Variants in AGPS observed in about 807,000 individuals in gnomAD.
The protein encoded by AGPS is alkylglycerone phosphate synthase, also known as alkyldihydroxyacetonephosphate synthase, peroxisomal.
In AGPS, 26 loss-of-function variants were observed where a neutral mutation model predicts 90.7. That is an observed-to-expected ratio of 0.29 (90% CI 0.21 to 0.40). The LOEUF is 0.40. AGPS is among the 10% of genes least tolerant of loss of function. AGPS has a pLI of 1.00. For synonymous variants in AGPS, 294 were observed against 285.3 expected (o/e 1.03, Z -0.31); for missense variants, 540 against 816.1 (o/e 0.66, Z 4.12).
At chr2:177,417,387 A>C (rs1289284989) in intron 1 of AGPS, among the ~76,000 whole-genome samples, 4 of 152,254 alleles carry the variant, frequency 2.6e-5, no homozygotes, top group Non-Finnish European at 1.5e-5. Flanking sequence ...CTCATTGTGT[A>C]TATGTAAATA....
chr2:177,523,645 T>C lies in AGPS; in HGVS notation c.1798-103T>C. On this transcript the variant is annotated intron_variant, in intron 18 of 19. Coordinates refer to ENST00000264167, the MANE Select transcript of AGPS (RefSeq NM_003659.4). Reference sequence around the variant, plus strand: ...GAAAGTTAGGCTTCTAGTTTATTATTTAACCCAGGAAACATGTGCCTTCTT... The same window carrying C: ...GAAAGTTAGGCTTCTAGTTTATTATCTAACCCAGGAAACATGTGCCTTCTT... 3.1e-6 allele frequency: 3 copies of C among 968,218 alleles called. 1 individual carries two copies. The South Asian group carries it at 4.0e-5, about 13-fold the overall frequency. 60.0% of individuals were successfully genotyped at this position (968,218 alleles called of 1,614,324 possible).
chr2:177,471,634 G>A (rs1687628063), intron 10 of AGPS, among the ~76,000 whole-genome samples: 1 of 152,088 alleles, frequency 6.6e-6, no homozygotes, highest in African/African-American at 2.4e-5. Context: ...CAATTAAAGA[G>A]ATGGAATACT....
At chr2:177,504,542 A>C (rs1318598173) in intron 14 of AGPS, among the ~76,000 whole-genome samples, 1 of 152,090 alleles carries the variant, frequency 6.6e-6, no homozygotes, top group Non-Finnish European at 1.5e-5. Context: ...CCATCTACCT[A>C]TAGTGGCAAG....
intron 14 of AGPS, among the ~76,000 whole-genome samples, chr2:177,503,334 A>G (rs1390942813): frequency 1.3e-5 from 2 of 152,230 alleles, no homozygotes; most frequent in African/African-American, 4.8e-5. Context: ...CATTTACCAT[A>G]GAACTTAAGG....
intron 2 of AGPS, among the ~76,000 whole-genome samples, chr2:177,429,476 G>C (rs1036422224): frequency 3.3e-5 from 5 of 152,174 alleles, no homozygotes; most frequent in Admixed American, 3.3e-4. Flanking sequence ...TGAGGTTGCT[G>C]ACCTTTGAGT....
intron 1 of AGPS, among the ~76,000 whole-genome samples, chr2:177,412,677 C>T (rs552241393): frequency 1.3e-5 from 2 of 152,250 alleles, no homozygotes; most frequent in African/African-American, 4.8e-5. Flanking sequence ...GCTCCTAGAG[C>T]TCCCAAGATG....
rs1449170268 is a variant in AGPS, at chr2:177,540,430, AC to A, written c.*2236del. 3 of 152,036 alleles carry A rather than the reference AC, an allele frequency of 2.0e-5. No homozygotes were observed. Among genetic ancestry groups the A allele is most frequent in the Admixed American group, 2.0e-4 (3 of 15,240 alleles). The allele number at this position is 152,036 out of a possible 1,614,324, so 9.4% of individuals were successfully genotyped here. A position where few individuals can be genotyped will look rare whatever the true frequency, so the allele number is the denominator to read the frequency against. ...TTGAAACACAAGAATATTGATCAGTACTGTTTCACTCTGATTTAGTAAATCA... is the reference window on the plus strand; with the variant it reads ...TTGAAACACAAGAATATTGATCAGTATGTTTCACTCTGATTTAGTAAATCA... On this transcript the variant is annotated 3_prime_UTR_variant, in exon 20 of 20. Transcript: ENST00000264167.
chr2:177,433,711 AC>A (rs1054141716), intron 2 of AGPS, among the ~76,000 whole-genome samples: 34 of 152,266 alleles, frequency 2.2e-4, no homozygotes, highest in African/African-American at 8.2e-4. Context: ...CAAGCAATTA[AC>A]TTGACTGATC....
At chr2:177,536,584 G>C (rs2079186705) in intron 19 of AGPS, among the ~76,000 whole-genome samples, 1 of 152,146 alleles carries the variant, frequency 6.6e-6, no homozygotes, top group South Asian at 2.1e-4. Flanking sequence ...GGAGATAATA[G>C]AAGGTCCTGG....
At chr2:177,447,851 A>G (rs1686823045) in intron 8 of AGPS, among the ~76,000 whole-genome samples, 1 of 152,164 alleles carries the variant, frequency 6.6e-6, no homozygotes, top group Non-Finnish European at 1.5e-5. Flanking sequence ...TGAGGTAACC[A>G]GTTTAAAACA....
At chr2:177,430,158 A>G (rs1686198158) in intron 2 of AGPS, among the ~76,000 whole-genome samples, 2 of 152,216 alleles carry the variant, frequency 1.3e-5, no homozygotes, top group Admixed American at 6.5e-5. Context: ...AGGCTAGAAC[A>G]GCTGAGTCAA....
At position 177,521,387 on chromosome 2, in the gene AGPS, A is replaced by G. The variant is rs937793603; in HGVS notation, c.1797+19A>G. 9 of 1,561,356 alleles carry G rather than the reference A, an allele frequency of 5.8e-6. No individual in the cohort carries two copies. The highest frequency in any genetic ancestry group is 7.1e-6 in the Non-Finnish European group (8 of 1,132,132). On this transcript the variant is annotated intron_variant, in intron 18 of 19. Coordinates refer to ENST00000264167, the MANE Select transcript of AGPS (RefSeq NM_003659.4). ...AACTGAGGTAATTTTGCATACCTGC[A>G]TATAGCTTTTACAGCTGTTGATTAA...
At chr2:177,419,080 T>C (rs1303103729) in intron 1 of AGPS, among the ~76,000 whole-genome samples, 1 of 151,932 alleles carries the variant, frequency 6.6e-6, no homozygotes, top group Non-Finnish European at 1.5e-5. Context: ...TCCTAGTTTC[T>C]TTGTCTTAAT....
chr2:177,437,777 G>A (rs1228478225), intron 5 of AGPS, among the ~76,000 whole-genome samples: 1 of 152,034 alleles, frequency 6.6e-6, no homozygotes, highest in East Asian at 1.9e-4. Flanking sequence ...TTAATAAATT[G>A]GCTCATTCAC....
At chr2:177,462,392 C>CAAAAAAAAAA (rs67734682) in intron 9 of AGPS, among the ~76,000 whole-genome samples, 2 of 108,180 alleles carry the variant, frequency 1.8e-5, no homozygotes, top group Admixed American at 1.1e-4. Context: ...GATTCTGTCT[C>CAAAAAAAAAA]AAAAAAAAAA....
At chr2:177,434,485 T>A in intron 3 of AGPS, 68 bp downstream of exon 3, 2 of 1,172,072 alleles carry the variant, frequency 1.7e-6, no homozygotes, top group Non-Finnish European at 2.5e-6. Context: ...ATTTGATTTA[T>A]CTTTGTAATT....
intron 9 of AGPS, among the ~76,000 whole-genome samples, chr2:177,463,972 G>A (rs977818936): frequency 2.6e-5 from 4 of 151,704 alleles, no homozygotes; most frequent in South Asian, 2.1e-4. Context: ...ACAGAATTTC[G>A]CTCTTGTTGC....
Position 177,513,843 on chromosome 2 carries a change from A to G in AGPS, c.1632A>G (p.Val544=), listed in dbSNP as rs201132634. The change falls in exon 17 of 20, where the codon GTA becomes GTG. Residue 544 remains valine (V), a synonymous_variant. Transcript: ENST00000264167. Reference sequence around the variant, plus strand: ...GGGTGGTAGATCTCTGTAGAAATGTAAAAGAAAGAATAACAAGGGAATGCA... The same window carrying G: ...GGGTGGTAGATCTCTGTAGAAATGTGAAAGAAAGAATAACAAGGGAATGCA... ...WDRVVDLCRN[V]KERITRECKE... 287 of 1,612,970 alleles carry G rather than the reference A, an allele frequency of 1.8e-4. 1 individual carries two copies. Among genetic ancestry groups the G allele is most frequent in the Non-Finnish European group, 1.9e-4 (219 of 1,179,252 alleles).
In AGPS at chr2:177,508,050, C is replaced by T; in HGVS notation, c.1607+19C>T. On this transcript the variant is annotated intron_variant, in intron 16 of 19. Coordinates refer to ENST00000264167, the MANE Select transcript of AGPS (RefSeq NM_003659.4). Reference sequence around the variant, plus strand: ...GGGACAGGTAAAATATACTAAAGTGCCTGATATTATTCAAATATGCGATAT... The same window carrying T: ...GGGACAGGTAAAATATACTAAAGTGTCTGATATTATTCAAATATGCGATAT... The T allele has an allele frequency of 6.4e-7, 1 of 1,571,104 alleles. No homozygotes were observed. The highest frequency in any genetic ancestry group is 8.8e-7 in the Non-Finnish European group (1 of 1,141,356).
Sources: gnomAD v4.1 joint callset for allele counts (sites outside exome capture counted in the v4.1 genomes callset) on GRCh38, gnomAD v4.1.1 for gene constraint, MANE v1.5 for transcripts, NCBI Gene and HGNC (gene_info 2026-07-23, HGNC 2026-07-21) for gene names.